The following MTOR variants were observed in gnomAD, a reference collection of about 807,000 sequenced individuals.
The protein encoded by MTOR is mechanistic target of rapamycin kinase, also known as serine/threonine-protein kinase mTOR.
MTOR carries 70 observed loss-of-function variants against 319.8 expected under a neutral mutation model. The ratio of observed to expected loss-of-function variants is 0.22; its 90% CI spans 0.18 to 0.27. The LOEUF is 0.27. MTOR is among the 10% of genes least tolerant of loss of function. MTOR has a pLI of 1.00. For missense variants in MTOR, 1,890 were observed against 3,274.4 expected, an observed-to-expected ratio of 0.58 and a Z score of 10.32; for synonymous variants, 1,183 against 1,211.4, an observed-to-expected ratio of 0.98 and a Z score of 0.49.
intron 31 of MTOR, among the ~76,000 whole-genome samples, chr1:11,147,956 G>A (rs1003280150): frequency 2.0e-5 from 3 of 152,188 alleles, no homozygotes; most frequent in Admixed American, 2.0e-4. Flanking sequence ...GCAAAGAGGA[G>A]AATAGAGACA....
intron 30 of MTOR, among the ~76,000 whole-genome samples, chr1:11,154,530 T>C (rs1442447414): frequency 3.9e-5 from 6 of 152,104 alleles, no homozygotes. Flanking sequence ...TCTCTATATA[T>C]ATATATATGA....
At position 11,133,315 on chromosome 1, in the gene MTOR, G is replaced by T; in HGVS notation, c.5247-118C>A. The T allele has an allele frequency of 1.1e-6, 1 of 929,680 alleles. No homozygotes were observed. The highest frequency in any genetic ancestry group is 2.4e-5 in the East Asian group (1 of 41,356). 57.6% of individuals were successfully genotyped at this position (929,680 alleles called of 1,614,324 possible). A position where few individuals can be genotyped will look rare whatever the true frequency, so the allele number is the denominator to read the frequency against. ...CTGGTATTTCCTCTTATTCTCAAGA[G>T]GCAATGTGAAGGAGCTAGCAAAATT... On this transcript the variant is annotated intron_variant, in intron 37 of 57. Coordinates refer to ENST00000361445, the MANE Select transcript of MTOR (RefSeq NM_004958.4). The surrounding 1 kb of genome is among the most constrained non-coding windows in gnomAD (Gnocchi z 4.0).
intron 13 of MTOR, 73 bp downstream of exon 13, chr1:11,237,770 C>T (rs1049210104): frequency 2.1e-5 from 32 of 1,537,090 alleles, no homozygotes; most frequent in South Asian, 1.5e-4. Flanking sequence ...TCCTCAACTC[C>T]GCTTCCTCAA....
rs12120294 is a variant in MTOR, at chr1:11,256,187, C to A, written c.510G>T (p.Leu170=). 5 of 1,613,446 alleles carry A rather than the reference C, an allele frequency of 3.1e-6. No homozygotes were observed. The highest frequency in any genetic ancestry group is 1.3e-5 in the African/African-American group (1 of 74,918). ...CGCTGATGGCCAGCTCACGGAGAAC[C>A]AGGACCTGGAGAAAAAAGCAAACCG... ...RNEGRRHAAV[L]VLRELAISVP... Residue 170 remains leucine (L), a synonymous_variant, in exon 5 of 58, where the codon CTG becomes CTT. Coordinates refer to ENST00000361445, the MANE Select transcript of MTOR (RefSeq NM_004958.4).
Position 11,124,290 on chromosome 1 carries a change from A to G in MTOR, c.6662+208T>C, listed in dbSNP as rs181602304. On this transcript the variant is annotated intron_variant, in intron 47 of 57. Coordinates refer to ENST00000361445, the MANE Select transcript of MTOR (RefSeq NM_004958.4). ...CAGGCTGGAGGGCAGTGGCACAATC[A>G]CAGCTCACTGCAGCCTTGAACTCCT... 6.8e-3 allele frequency among the ~76,000 whole-genome samples: 1,030 copies of G among 152,106 alleles called. 15 individuals are homozygous for G. Among genetic ancestry groups the G allele is most frequent in the African/African-American group, 0.024 (1,001 of 41,494 alleles).
At position 11,127,681 on chromosome 1, in the gene MTOR, G is replaced by C. The variant is rs2100407514; in HGVS notation, c.6159C>G (p.Pro2053=). ...NVKGMFEVLE[P]LHAMMERGPQ... The stretch of plus-strand genomic sequence containing the variant: ...GGCCCCGTTCCATCATAGCATGCAA[G>C]GGCTCCAGCACCTCAAACATGCCTT... Residue 2053 remains proline, a synonymous_variant, in exon 44 of 58, where the codon CCC becomes CCG. Coordinates refer to ENST00000361445, the MANE Select transcript of MTOR (RefSeq NM_004958.4). The surrounding 1 kb of genome is among the most constrained non-coding windows in gnomAD (Gnocchi z 5.5). 1.2e-6 allele frequency: 2 copies of C among 1,614,036 alleles called. No individual in the cohort carries two copies. Among genetic ancestry groups the C allele is most frequent in the Non-Finnish European group, 1.7e-6 (2 of 1,180,018 alleles).
rs746382694 is a variant in MTOR, at chr1:11,133,040, C to T, written c.5364+40G>A. The T allele has an allele frequency of 6.4e-7, 1 of 1,566,884 alleles. No individual in the cohort carries two copies. On this transcript the variant is annotated intron_variant, in intron 38 of 57. Coordinates refer to ENST00000361445, the MANE Select transcript of MTOR (RefSeq NM_004958.4). This position sits in a 1 kb window ranked among gnomAD's most constrained non-coding sequence, Gnocchi z 4.0. ...GAGCACACAGGAGGACACGAGCCAG[C>T]CAGGGTGCTGGGTCTCACAGGTGGC...
intron 29 of MTOR, among the ~76,000 whole-genome samples, chr1:11,160,864 CA>C (rs1644455827): frequency 6.6e-6 from 1 of 152,158 alleles, no homozygotes; most frequent in Admixed American, 6.5e-5. Flanking sequence ...GTGAGCAAAA[CA>C]GAAGACAGGT....
Position 11,144,443 on chromosome 1 carries a change from G to T in MTOR, c.4872+205C>A, listed in dbSNP as rs558604293. ...ATTCCTAGAGAAGAGAATAAGAAGA[G>T]ACTGGAAAATTGGTCATTCTCTCAC... is the stretch of plus-strand genomic sequence containing the variant. On this transcript the variant is annotated intron_variant, in intron 34 of 57. Coordinates refer to ENST00000361445, the MANE Select transcript of MTOR (RefSeq NM_004958.4). The T allele has an allele frequency of 9.5e-6, 5 of 528,442 alleles. No individual in the cohort carries two copies. The East Asian group carries it at 1.4e-4, about 15-fold the overall frequency. The allele number at this position is 528,442 out of a possible 1,614,324, so 32.7% of individuals were successfully genotyped here.
chr1:11,204,819 T>A, intron 25 of MTOR, 116 bp from the exon 26 acceptor site: 1 of 1,215,478 alleles, frequency 8.2e-7, no homozygotes, highest in Non-Finnish European at 1.1e-6. Flanking sequence ...TCTTTCACGA[T>A]AAAATTCCCC....
chr1:11,172,695 C>A (rs1167836108), intron 28 of MTOR, among the ~76,000 whole-genome samples: 1 of 151,968 alleles, frequency 6.6e-6, no homozygotes, highest in Non-Finnish European at 1.5e-5. Context: ...ATGGTGAAAC[C>A]CCATCTCTAC....
At chr1:11,124,758 A>T in intron 46 of MTOR, 125 bp from the exon 47 acceptor site, 2 of 1,075,848 alleles carry the variant, frequency 1.9e-6, no homozygotes, top group Admixed American at 6.0e-5. Context: ...GTTCCTCACA[A>T]AAAGAAAAAA....
At chr1:11,219,443 C>T (rs147180720) in intron 19 of MTOR, among the ~76,000 whole-genome samples, 31 of 152,212 alleles carry the variant, frequency 2.0e-4, no homozygotes, top group Admixed American at 1.6e-3. Flanking sequence ...AACTGTGTGG[C>T]CTGGGAATCT....
intron 3 of MTOR, 49 bp from the exon 4 acceptor site, chr1:11,257,214 A>G: frequency 6.7e-7 from 1 of 1,502,122 alleles, no homozygotes. Flanking sequence ...TATGCTGGCC[A>G]GGAAAGTACG....
chr1:11,194,724 A>G (rs1013349536), intron 28 of MTOR: 19 of 1,609,306 alleles, frequency 1.2e-5, no homozygotes, highest in East Asian at 2.2e-5. Context: ...CTTGAGGAGA[A>G]AGAGTGAATT....
rs1644240530 is a variant in MTOR at position 11,154,092 on chromosome 1, A to AAAAAAAAAG, written c.4469+3059_4469+3060insCTTTTTTTT. On this transcript the variant is annotated intron_variant, in intron 30 of 57. Coordinates refer to ENST00000361445, the MANE Select transcript of MTOR (RefSeq NM_004958.4). ...TCAAAAAAAAAAAAAAAAAAAAAAA[A>AAAAAAAAAG]AAAAAAAAAAAGCCACATGTGGCTA... 1.4e-5 allele frequency among the ~76,000 whole-genome samples: 2 copies of AAAAAAAAAG among 144,948 alleles called. 1 individual carries two copies. The highest frequency in any genetic ancestry group is 5.1e-5 in the African/African-American group (2 of 38,988).
chr1:11,132,851 A>G lies in MTOR; in HGVS notation c.5364+229T>C, dbSNP rs116782277. ...AGCAGCAATCCCCAACACCACATAC[A>G]CATAATAATGGTGTAACAAGTATTT... On this transcript the variant is annotated intron_variant, in intron 38 of 57. Coordinates refer to ENST00000361445, the MANE Select transcript of MTOR (RefSeq NM_004958.4). 2,620 of 497,508 alleles carry G rather than the reference A, an allele frequency of 5.3e-3. 71 individuals carry two copies. The highest frequency in any genetic ancestry group is 0.04 in the African/African-American group (2,094 of 52,176). The allele number at this position is 497,508 out of a possible 1,614,324, so 30.8% of individuals were successfully genotyped here.
At position 11,209,365 on chromosome 1, in the gene MTOR, C is replaced by A; in HGVS notation, c.3748G>T (p.Val1250Leu). The part of the protein sequence containing the change: ...GQGDALASGP[V>L]ETGPMKKLHV... The stretch of plus-strand genomic sequence containing the variant: ...AGTTTCTTCATGGGTCCTGTTTCCA[C>A]TGGTCCACTAGCCAATGCATCCCCT... Residue 1250 changes from valine to leucine, a missense_variant, in exon 25 of 58, where the codon GTG becomes TTG. Around this residue, in one of 15 missense-constraint regions of MTOR, gnomAD observed 115 missense variants for 105.7 expected, o/e 1.09. Transcript: ENST00000361445. The A allele has an allele frequency of 6.2e-7, 1 of 1,614,210 alleles. No homozygotes were observed. Among genetic ancestry groups the A allele is most frequent in the African/African-American group, 1.3e-5 (1 of 75,058 alleles).
rs370835941 is a variant in MTOR at position 11,176,233 on chromosome 1, T to C, written c.4254-8716A>G. ...ACGGCTCCACAGGCTTCTGGACAGA[T>C]GCTGAGTCCACAGTAACTTGACATG... On this transcript the variant is annotated intron_variant, in intron 28 of 57. Coordinates refer to ENST00000361445, the MANE Select transcript of MTOR (RefSeq NM_004958.4). Among the ~76,000 whole-genome samples, 6 of 152,308 alleles carry C rather than the reference T, an allele frequency of 3.9e-5. 1 individual carries two copies. The highest frequency in any genetic ancestry group is 3.3e-4 in the Admixed American group (5 of 15,306).
Sources: allele counts gnomAD v4.1 joint callset (sites outside exome capture counted in the v4.1 genomes callset), GRCh38; gene constraint gnomAD v4.1.1; regional missense constraint gnomAD v4.1.1; non-coding constraint Gnocchi (gnomAD v3.1); transcripts MANE v1.5; gene names NCBI Gene and HGNC (gene_info 2026-07-23, HGNC 2026-07-21).